GJA3: variants seen among roughly 807,000 people sequenced by gnomAD.
GJA3 encodes the protein gap junction alpha-3 protein.
For missense variants in GJA3, 571 were observed against 620.3 expected (o/e 0.92, Z 0.84); for synonymous variants, 297 against 292.6 (o/e 1.02, Z -0.15).
Position 20,142,054 on chromosome 13 carries a change from C to T in GJA3, c.1235G>A (p.Gly412Glu), listed in dbSNP as rs1958810334. 2 of 1,550,206 alleles carry T rather than the reference C, an allele frequency of 1.3e-6. No individual in the cohort carries two copies. The highest frequency in any genetic ancestry group is 1.7e-6 in the Non-Finnish European group (2 of 1,146,776). Residue 412 changes from glycine (G) to glutamate (E), a missense_variant, in exon 2 of 2, where the codon GGA (glycine) becomes GAA (glutamate). Gly to Glu is a moderately conservative substitution (Grantham distance 98). Transcript: ENST00000241125. ...AQMHQPPLPL[G>E]DPGRASKASR... The stretch of plus-strand genomic sequence containing the variant: ...GGCCTTGCTGGCCCGACCTGGGTCT[C>T]CGAGGGGCAAGGGCGGCTGGTGCAT...
upstream of GJA3, among the ~76,000 whole-genome samples, chr13:20,161,505 G>A (rs976622644): frequency 1.3e-5 from 2 of 152,098 alleles, no homozygotes; most frequent in African/African-American, 4.8e-5. Context: ...AGGCGCGTGG[G>A]CGTCGGGCAC....
At chr13:20,158,093 C>T (rs2141146602) in intron 1 of GJA3, among the ~76,000 whole-genome samples, 1 of 152,256 alleles carries the variant, frequency 6.6e-6, no homozygotes, top group Non-Finnish European at 1.5e-5. Context: ...CTGCCTCAGC[C>T]TCCCAAAAAG....
intron 1 of GJA3, among the ~76,000 whole-genome samples, chr13:20,159,624 A>T (rs901954240): frequency 1.3e-5 from 2 of 152,172 alleles, no homozygotes; most frequent in African/African-American, 4.8e-5. Context: ...ATTGGCAAAA[A>T]ATTTTGTTAC....
At chr13:20,144,059 G>A (rs1958828695) in intron 1 of GJA3, among the ~76,000 whole-genome samples, 1 of 152,238 alleles carries the variant, frequency 6.6e-6, no homozygotes, top group South Asian at 2.1e-4. Flanking sequence ...AAGATGAGGA[G>A]TATTGGAGAG....
intron 1 of GJA3, among the ~76,000 whole-genome samples, chr13:20,156,112 A>T (rs1424700346): frequency 2.0e-5 from 3 of 152,144 alleles, no homozygotes; most frequent in African/African-American, 7.2e-5. Context: ...TCTGCCATCT[A>T]TGTATTATTA....
At position 20,142,911 on chromosome 13, in the gene GJA3, C is replaced by T. The variant is rs530211716; in HGVS notation, c.378G>A (p.Pro126=). 125 of 1,586,072 alleles carry T rather than the reference C, an allele frequency of 7.9e-5. 2 individuals are homozygous for T. In the South Asian group the frequency reaches 1.3e-3, roughly 17 times the overall value. ...KRESPSPKEP[P]QDNPSSRDDR... ...CGTCCCGCGACGAGGGATTGTCCTGCGGTGGCTCCTTGGGGCTGGGGCTCT... is the reference window on the plus strand; with the variant it reads ...CGTCCCGCGACGAGGGATTGTCCTGTGGTGGCTCCTTGGGGCTGGGGCTCT... The change falls in exon 2 of 2, where the codon CCG becomes CCA. Residue 126 remains proline (P), a synonymous_variant. Coordinates refer to ENST00000241125, the MANE Select transcript of GJA3 (RefSeq NM_021954.4).
chr13:20,158,965 T>G (rs1258809924), intron 1 of GJA3, among the ~76,000 whole-genome samples: 1 of 140,258 alleles, frequency 7.1e-6, no homozygotes, highest in Admixed American at 7.1e-5. Context: ...AAGCAAGCAG[T>G]AGAGTACTAA....
At chr13:20,149,700 G>A (rs938982221) in intron 1 of GJA3, among the ~76,000 whole-genome samples, 2 of 152,214 alleles carry the variant, frequency 1.3e-5, no homozygotes, top group Admixed American at 6.5e-5. Context: ...TAAGAGGTGG[G>A]AGAAGGGAAT....
intron 1 of GJA3, among the ~76,000 whole-genome samples, chr13:20,160,046 T>A (rs1274505737): frequency 6.6e-6 from 1 of 152,130 alleles, no homozygotes; most frequent in Non-Finnish European, 1.5e-5. Context: ...GACATCTTGA[T>A]AAAATAAAAA....
chr13:20,148,221 G>T (rs1958854925), intron 1 of GJA3, among the ~76,000 whole-genome samples: 1 of 151,116 alleles, frequency 6.6e-6, no homozygotes, highest in Non-Finnish European at 1.5e-5. Flanking sequence ...GACATGCAGA[G>T]GCTCTGGGGG....
At chr13:20,147,809 A>G (rs1958852085) in intron 1 of GJA3, among the ~76,000 whole-genome samples, 1 of 152,244 alleles carries the variant, frequency 6.6e-6, no homozygotes, top group East Asian at 1.9e-4. Flanking sequence ...TCATGTCTGT[A>G]GTAAGCACAC....
At chr13:20,145,527 T>C (rs552123559) in intron 1 of GJA3, among the ~76,000 whole-genome samples, 2 of 152,208 alleles carry the variant, frequency 1.3e-5, no homozygotes, top group Non-Finnish European at 2.9e-5. Context: ...CTCCTCCAAG[T>C]GTCCCTCTGG....
intron 1 of GJA3, 92 bp from the exon 2 acceptor site, chr13:20,143,397 G>T (rs1291168500): frequency 1.2e-6 from 1 of 831,750 alleles, no homozygotes; most frequent in East Asian, 2.7e-5. Context: ...GGATGGTACT[G>T]GGATGGGGCT....
At chr13:20,157,550 C>T (rs1327246679) in intron 1 of GJA3, among the ~76,000 whole-genome samples, 1 of 152,208 alleles carries the variant, frequency 6.6e-6, no homozygotes, top group Admixed American at 6.5e-5. Context: ...TTGCACAGCC[C>T]ACAGTGCTGA....
At position 20,143,058 on chromosome 13, in the gene GJA3, G is replaced by T. The variant is rs143508620; in HGVS notation, c.231C>A (p.Phe77Leu). ...DRAFPISHIRFWALQIIFVST... is the reference protein window; with the variant it reads ...DRAFPISHIRLWALQIIFVST... ...ACACGAAGATGATCTGCAGCGCCCA[G>T]AAGCGGATGTGGGAGATGGGGAAGG... Residue 77 changes from phenylalanine (F) to leucine (L), a missense_variant, in exon 2 of 2, where the codon TTC becomes TTA. Transcript: ENST00000241125. 1.9e-6 allele frequency: 3 copies of T among 1,613,846 alleles called. No individual in the cohort carries two copies. Among genetic ancestry groups the T allele is most frequent in the Non-Finnish European group, 2.5e-6 (3 of 1,179,888 alleles).
chr13:20,152,970 C>A (rs1039261064), intron 1 of GJA3, among the ~76,000 whole-genome samples: 1 of 152,174 alleles, frequency 6.6e-6, no homozygotes, highest in Non-Finnish European at 1.5e-5. Flanking sequence ...TATTAAGTCA[C>A]AAATATTATA....
At chr13:20,148,072 AT>A (rs1003421780) in intron 1 of GJA3, among the ~76,000 whole-genome samples, 4 of 152,160 alleles carry the variant, frequency 2.6e-5, no homozygotes, top group Admixed American at 6.5e-5. Flanking sequence ...ACATGCATGA[AT>A]AAATGAAAAT....
upstream of GJA3, among the ~76,000 whole-genome samples, chr13:20,161,340 G>A (rs1471955012): frequency 4.6e-5 from 7 of 152,110 alleles, no homozygotes; most frequent in Non-Finnish European, 8.8e-5. Context: ...GCCCGCGCGG[G>A]ACGTGAGAGG....
rs535021440 is a variant in GJA3, at chr13:20,150,172, G to C, written c.-17-6867C>G. On this transcript the variant is annotated intron_variant, in intron 1 of 1. Transcript: ENST00000241125. ...TTTAAAGAGGAAGAAGTTGGGGCAA[G>C]TGCTGACCTGAGCTGGAAGAAAGGT... 7.2e-5 allele frequency among the ~76,000 whole-genome samples: 11 copies of C among 152,358 alleles called. No homozygotes were observed. In the South Asian group the frequency reaches 2.3e-3, roughly 32 times the overall value.
Sources: gnomAD v4.1 joint callset for allele counts (sites outside exome capture counted in the v4.1 genomes callset) on GRCh38, gnomAD v4.1.1 for gene constraint, MANE v1.5 for transcripts, NCBI Gene and HGNC (gene_info 2026-07-23, HGNC 2026-07-21) for gene names.